CIMAP2: variants seen among roughly 807,000 people sequenced by gnomAD.
CIMAP2 encodes ciliary microtubule-associated protein 2.
chr1:54,819,354 T>C, the CIMAP2 span, among the ~76,000 whole-genome samples: 1 of 152,154 alleles, frequency 6.6e-6, no homozygotes, highest in Non-Finnish European at 1.5e-5. Flanking sequence ...AGTCTACTGC[T>C]GGCTGGGTGA....
At chr1:54,824,394 TG>T in the CIMAP2 span, among the ~76,000 whole-genome samples, 60,151 of 151,872 alleles carry the variant, frequency 0.4, 12,694 homozygotes, top group African/African-American at 0.53. Flanking sequence ...TGTATCTATT[TG>T]GGGGTTCTGT....
the CIMAP2 span, among the ~76,000 whole-genome samples, chr1:54,830,435 TG>T: frequency 5.3e-5 from 8 of 152,184 alleles, no homozygotes; most frequent in Non-Finnish European, 7.3e-5. The surrounding 1 kb of genome is among the most constrained non-coding windows in gnomAD (Gnocchi z 4.1). Flanking sequence ...TTGGTCAGGC[TG>T]GTCTCGAACT....
At chr1:54,813,968 G>C in the CIMAP2 span, 294 of 1,601,154 alleles carry the variant, frequency 1.8e-4, no homozygotes, top group South Asian at 2.7e-3. Context: ...CAGTGCCCCC[G>C]CACACTGGTG....
the CIMAP2 span, among the ~76,000 whole-genome samples, chr1:54,808,708 G>A: frequency 6.6e-6 from 1 of 151,910 alleles, no homozygotes; most frequent in Non-Finnish European, 1.5e-5. Context: ...GGAGGCGATG[G>A]TGCTGAGAGG....
At chr1:54,811,773 G>GGCCCCC in the CIMAP2 span, 18 of 1,325,038 alleles carry the variant, frequency 1.4e-5, no homozygotes, top group South Asian at 5.2e-5. Flanking sequence ...CAGCCTCCAT[G>GGCCCCC]CCCCCACCCC....
chr1:54,828,617 A>C, the CIMAP2 span, among the ~76,000 whole-genome samples: 1 of 152,092 alleles, frequency 6.6e-6, no homozygotes, highest in African/African-American at 2.4e-5. Context: ...CAGGTGAGCC[A>C]CTGCACCCAG....
the CIMAP2 span, among the ~76,000 whole-genome samples, chr1:54,820,359 G>A: frequency 6.8e-6 from 1 of 147,900 alleles, no homozygotes; most frequent in Non-Finnish European, 1.5e-5. Context: ...TTTTTTTTTT[G>A]TAGAGACAGG....
At chr1:54,830,133 A>G in the CIMAP2 span, among the ~76,000 whole-genome samples, 7 of 152,226 alleles carry the variant, frequency 4.6e-5, no homozygotes, top group African/African-American at 9.6e-5. The surrounding 1 kb of genome is among the most constrained non-coding windows in gnomAD (Gnocchi z 4.1). Flanking sequence ...TCCAAGCTCT[A>G]GGATCTAAGT....
At chr1:54,831,092 T>C in the CIMAP2 span, among the ~76,000 whole-genome samples, 8 of 152,210 alleles carry the variant, frequency 5.3e-5, no homozygotes, top group African/African-American at 1.9e-4. Context: ...AAAATGACAC[T>C]GAACCTGCAA....
the CIMAP2 span, among the ~76,000 whole-genome samples, chr1:54,817,529 G>A: frequency 6.6e-6 from 1 of 152,174 alleles, no homozygotes; most frequent in African/African-American, 2.4e-5. Context: ...TTCATAATGG[G>A]GTTGGTAAAA....
At chr1:54,821,781 A>G in the CIMAP2 span, among the ~76,000 whole-genome samples, 1 of 151,924 alleles carries the variant, frequency 6.6e-6, no homozygotes, top group Non-Finnish European at 1.5e-5. Flanking sequence ...CTCAGTTCTA[A>G]GAGTTTTGAT....
chr1:54,806,096 CG>C, the CIMAP2 span: 1 of 1,504,862 alleles, frequency 6.6e-7, no homozygotes, highest in Non-Finnish European at 8.9e-7. Context: ...GCAGCGGAGG[CG>C]GGCAGCGCGC....
At chr1:54,838,576 T>C in the CIMAP2 span, among the ~76,000 whole-genome samples, 1 of 152,122 alleles carries the variant, frequency 6.6e-6, no homozygotes, top group Non-Finnish European at 1.5e-5. Flanking sequence ...ACTGAGTAAC[T>C]TTCCCAGGGC....
chr1:54,807,500 A>G, the CIMAP2 span: 2 of 1,480,646 alleles, frequency 1.4e-6, no homozygotes, highest in East Asian at 4.9e-5. Flanking sequence ...CGTGGCTGTC[A>G]CAGCTCTGAC....
the CIMAP2 span, among the ~76,000 whole-genome samples, chr1:54,818,890 G>T: frequency 6.6e-6 from 1 of 152,158 alleles, no homozygotes; most frequent in Non-Finnish European, 1.5e-5. Context: ...ACTGCGGCTG[G>T]CTGCAGTATG....
the CIMAP2 span, among the ~76,000 whole-genome samples, chr1:54,830,422 A>G: frequency 6.6e-6 from 1 of 152,066 alleles, no homozygotes. The surrounding 1 kb of genome is among the most constrained non-coding windows in gnomAD (Gnocchi z 4.1). Context: ...AGGTTTCTCC[A>G]TGTTGGTCAG....
chr1:54,840,308 A>G, the CIMAP2 span, among the ~76,000 whole-genome samples: 2 of 152,204 alleles, frequency 1.3e-5, no homozygotes, highest in Non-Finnish European at 2.9e-5. Context: ...TGTTGTGTGT[A>G]TCACAGTTTG....
the CIMAP2 span, among the ~76,000 whole-genome samples, chr1:54,835,428 A>G: frequency 6.6e-6 from 1 of 152,024 alleles, no homozygotes; most frequent in Non-Finnish European, 1.5e-5. Context: ...GCCTCAAGTG[A>G]TCTGCCCGCC....
At chr1:54,824,137 T>G in the CIMAP2 span, among the ~76,000 whole-genome samples, 2 of 152,142 alleles carry the variant, frequency 1.3e-5, no homozygotes, top group Admixed American at 1.3e-4. Flanking sequence ...TCCTCCCACC[T>G]CAGCCTCCCA....
Sources: gnomAD v4.1 joint callset for allele counts (sites outside exome capture counted in the v4.1 genomes callset) on GRCh38, gnomAD v4.1.1 for gene constraint, Gnocchi (gnomAD v3.1) non-coding constraint, MANE v1.5 for transcripts, NCBI Gene and HGNC (gene_info 2026-07-23, HGNC 2026-07-21) for gene names.